The following DEPDC5 variants were observed in gnomAD, a reference collection of about 807,000 sequenced individuals.
DEPDC5 encodes GATOR1 complex protein DEPDC5.
DEPDC5 carries 73 observed loss-of-function variants against 217.3 expected under a neutral mutation model. The observed-to-expected ratio is 0.34, with a 90% CI of 0.28 to 0.41. The LOEUF (loss-of-function observed/expected upper bound fraction) is 0.41. Among genes scored for constraint, DEPDC5 ranks in the 10% least tolerant of loss-of-function variants. The pLI is 1.00. For synonymous variants in DEPDC5, 733 were observed against 756.7 expected (o/e 0.97, Z 0.51); for missense variants, 1,675 against 2,070.1 (o/e 0.81, Z 3.70).
At chr22:31,801,065 G>A (rs1400096297) in intron 14 of DEPDC5, among the ~76,000 whole-genome samples, 4 of 151,808 alleles carry the variant, frequency 2.6e-5, no homozygotes, top group Non-Finnish European at 5.9e-5. Context: ...GGCTTAGGCA[G>A]CGGGATCACC....
intron 41 of DEPDC5, 38 bp downstream of exon 41, chr22:31,901,840 T>C: frequency 6.3e-7 from 1 of 1,591,690 alleles, no homozygotes; most frequent in Non-Finnish European, 8.6e-7. Flanking sequence ...GGGAAGGAAA[T>C]CAGTGTTTAT....
chr22:31,801,194 G>T (rs1035202406), intron 14 of DEPDC5, among the ~76,000 whole-genome samples: 3 of 152,028 alleles, frequency 2.0e-5, no homozygotes, highest in South Asian at 2.1e-4. Context: ...TACTTGGGAG[G>T]CTGAGGCAGG....
rs2149267051 is a variant in DEPDC5, at chr22:31,876,175, C to T, written c.3715C>T (p.Leu1239Phe). ...DIMQKMLEEQ[L>F]ITHASGEAWR... ...CTCCTAGAAAATGCTGGAAGAGCAGCTCATCACACATGCATCTGGCGAAGC... is the reference window on the plus strand; with the variant it reads ...CTCCTAGAAAATGCTGGAAGAGCAGTTCATCACACATGCATCTGGCGAAGC... Residue 1239 changes from leucine (L) to phenylalanine (F), a missense_variant, in exon 37 of 43, where the codon CTC (leucine) becomes TTC (phenylalanine). This residue lies in a region of DEPDC5 where 194 missense variants were observed against 199.3 expected (regional missense o/e 0.97). Transcript: ENST00000651528. The T allele has an allele frequency of 6.2e-7, 1 of 1,614,088 alleles. No homozygotes were observed. The highest frequency in any genetic ancestry group is 8.5e-7 in the Non-Finnish European group (1 of 1,179,996).
intron 27 of DEPDC5, among the ~76,000 whole-genome samples, chr22:31,839,502 C>T (rs1354748217): frequency 3.0e-5 from 4 of 135,136 alleles, no homozygotes. Context: ...CCTGTCTCTT[C>T]ATTATTGCTA....
chr22:31,783,977 A>G lies in DEPDC5; in HGVS notation c.554A>G (p.Asp185Gly), dbSNP rs2084720246. 15 of 1,613,394 alleles carry G rather than the reference A, an allele frequency of 9.3e-6. No homozygotes were observed. Among genetic ancestry groups the G allele is most frequent in the African/African-American group, 2.7e-5 (2 of 74,892 alleles). Residue 185 changes from aspartate to glycine, a missense_variant, in exon 9 of 43, where the codon GAT becomes GGT. Asp to Gly is a moderately conservative substitution (Grantham distance 94). Coordinates refer to ENST00000651528, the MANE Select transcript of DEPDC5 (RefSeq NM_001242896.3). Reference protein sequence around the residue: ...IQMSCEMWDFDIYGDLYFEKA... With the variant: ...IQMSCEMWDFGIYGDLYFEKA... ...ATGAGCTGTGAAATGTGGGATTTTG[A>G]TATTTATGGTACTGTGTCTATGTGC...
intron 10 of DEPDC5, 45 bp downstream of exon 10, chr22:31,784,920 TC>T: frequency 6.5e-7 from 1 of 1,547,156 alleles, no homozygotes; most frequent in Admixed American, 1.8e-5. Context: ...TAAACATTAC[TC>T]AATCAGATTT....
At position 31,801,458 on chromosome 22, in the gene DEPDC5, C is replaced by G. The variant is rs186068307; in HGVS notation, c.947-1246C>G. Among the ~76,000 whole-genome samples the G allele has an allele frequency of 3.9e-5, 6 of 152,076 alleles. No individual in the cohort carries two copies. The East Asian group carries it at 1.2e-3, about 29-fold the overall frequency. On this transcript the variant is annotated intron_variant, in intron 14 of 42. Coordinates refer to ENST00000651528, the MANE Select transcript of DEPDC5 (RefSeq NM_001242896.3). ...TTGTTAGCAGTGTGGTATGATTATC[C>G]CGGCATTTATGTGTTAGCCGAAATA...
chr22:31,854,320 A>G (rs987768706), intron 31 of DEPDC5, among the ~76,000 whole-genome samples: 5 of 152,218 alleles, frequency 3.3e-5, no homozygotes, highest in African/African-American at 4.8e-5. Context: ...TGTGCATCAG[A>G]TGACAAATCC....
At position 31,894,674 on chromosome 22, in the gene DEPDC5, G is replaced by T. The variant is rs576138186; in HGVS notation, c.4203+923G>T. The T allele has an allele frequency of 4.6e-5, 7 of 152,152 alleles. No individual in the cohort carries two copies. In the East Asian group the frequency reaches 1.4e-3, roughly 29 times the overall value. 9.4% of individuals were successfully genotyped at this position (152,152 alleles called of 1,614,324 possible). A position where few individuals can be genotyped will look rare whatever the true frequency, so the allele number is the denominator to read the frequency against. ...AGCCTGGCCAACATGGTGAAACCCTGTCTCTACTGAAAATACAAAAATTAC... is the reference window on the plus strand; with the variant it reads ...AGCCTGGCCAACATGGTGAAACCCTTTCTCTACTGAAAATACAAAAATTAC... On this transcript the variant is annotated intron_variant, in intron 39 of 42. Transcript: ENST00000651528.
intron 33 of DEPDC5, among the ~76,000 whole-genome samples, chr22:31,863,993 C>T (rs1183682319): frequency 6.6e-6 from 1 of 151,882 alleles, no homozygotes; most frequent in Middle Eastern, 3.2e-3. Flanking sequence ...TAAATTGTAC[C>T]TTATGTTTAT....
chr22:31,797,299 C>G lies in DEPDC5; in HGVS notation c.768-301C>G, dbSNP rs187004467. On this transcript the variant is annotated intron_variant, in intron 12 of 42. Coordinates refer to ENST00000651528, the MANE Select transcript of DEPDC5 (RefSeq NM_001242896.3). ...CATGGTTCTGCATGGCTCAGGAGGC[C>G]TCTGGAAACTTACAATCCTGGTGGA... Among the ~76,000 whole-genome samples, 377 of 152,190 alleles carry G rather than the reference C, an allele frequency of 2.5e-3. 2 individuals are homozygous for G. Among genetic ancestry groups the G allele is most frequent in the Non-Finnish European group, 4.0e-3 (274 of 68,020 alleles).
intron 24 of DEPDC5, among the ~76,000 whole-genome samples, chr22:31,831,940 T>C (rs1418234396): frequency 6.6e-6 from 1 of 152,174 alleles, no homozygotes; most frequent in Non-Finnish European, 1.5e-5. Context: ...AGTCCGTCCA[T>C]GTGTTCTCTG....
At position 31,802,684 on chromosome 22, in the gene DEPDC5, A is replaced by G. The variant is rs767509042; in HGVS notation, c.947-20A>G. ...AAAAGCTGTAACATCATTATTGTGGAATTTTTGTTTTATTTCTAGTGTTTG... is the reference window on the plus strand; with the variant it reads ...AAAAGCTGTAACATCATTATTGTGGGATTTTTGTTTTATTTCTAGTGTTTG... On this transcript the variant is annotated intron_variant, in intron 14 of 42. Transcript: ENST00000651528. 3.3e-6 allele frequency: 5 copies of G among 1,527,460 alleles called. No homozygotes were observed. In the Admixed American group the frequency reaches 8.2e-5, roughly 25 times the overall value. The allele number at this position is 1,527,460 out of a possible 1,614,324, so 94.6% of individuals were successfully genotyped here. A position where few individuals can be genotyped will look rare whatever the true frequency, so the allele number is the denominator to read the frequency against.
intron 38 of DEPDC5, among the ~76,000 whole-genome samples, chr22:31,884,532 T>TTG (rs1284124442): frequency 6.6e-6 from 1 of 152,218 alleles, no homozygotes; most frequent in Admixed American, 6.5e-5. Flanking sequence ...AACCCTTACC[T>TTG]TGCTTGGCTC....
rs771472545 is a variant in DEPDC5, at chr22:31,778,096, C to G, written c.414-3C>G. On this transcript the variant is annotated splice_polypyrimidine_tract_variant and splice_region_variant and intron_variant, in intron 7 of 42. Transcript: ENST00000651528. Reference sequence around the variant, plus strand: ...GTAATAACTTGTGTGTGTATTCTTTCAGAGCACAGGCTGGTGAACTGTGGG... The same window carrying G: ...GTAATAACTTGTGTGTGTATTCTTTGAGAGCACAGGCTGGTGAACTGTGGG... 7 of 1,613,944 alleles carry G rather than the reference C, an allele frequency of 4.3e-6. No individual in the cohort carries two copies. The highest frequency in any genetic ancestry group is 1.1e-5 in the South Asian group (1 of 91,076).
At chr22:31,775,122 C>A (rs1438325951) in intron 7 of DEPDC5, among the ~76,000 whole-genome samples, 1 of 151,932 alleles carries the variant, frequency 6.6e-6, no homozygotes, top group Non-Finnish European at 1.5e-5. Flanking sequence ...TCCTAGGTAG[C>A]CTGAACTATG....
At chr22:31,902,273 ACTGTGTTGT>A (rs1362416241) in intron 41 of DEPDC5, among the ~76,000 whole-genome samples, 2 of 151,874 alleles carry the variant, frequency 1.3e-5, no homozygotes, top group African/African-American at 4.8e-5. Flanking sequence ...AGTCCAGCCG[ACTGTGTTGT>A]CTCCAAACAT....
chr22:31,837,431 G>T, intron 26 of DEPDC5: 1 of 453,138 alleles, frequency 2.2e-6, no homozygotes, highest in Non-Finnish European at 3.9e-6. Context: ...ACTCACTGCA[G>T]CCTCTACCTC....
chr22:31,799,961 C>A (rs895899613), intron 14 of DEPDC5, among the ~76,000 whole-genome samples: 1 of 151,584 alleles, frequency 6.6e-6, no homozygotes. Flanking sequence ...TGCCACCACA[C>A]CCAGCTAATT....
Sources: allele counts gnomAD v4.1 joint callset (sites outside exome capture counted in the v4.1 genomes callset), GRCh38; gene constraint gnomAD v4.1.1; regional missense constraint gnomAD v4.1.1; transcripts MANE v1.5; gene names NCBI Gene and HGNC (gene_info 2026-07-23, HGNC 2026-07-21).